NELL1: variants seen among roughly 807,000 people sequenced by gnomAD.
NELL1 encodes neural EGFL like 1.
A neutral mutation model predicts 107.4 loss-of-function variants in NELL1; 76 were observed. The observed-to-expected ratio is 0.71, with a 90% confidence interval of 0.59 to 0.86. NELL1 has a LOEUF of 0.86. Among genes scored for constraint, NELL1 ranks in the 40% least tolerant of loss-of-function variants. The probability of loss-of-function intolerance (pLI) is 0.00; values close to 1 mark genes in which losing one functional copy is unlikely to be tolerated. For missense variants in NELL1, 1,024 were observed against 1,005.5 expected, an observed-to-expected ratio of 1.02 and a Z score of -0.25; for synonymous variants, 353 against 341.2, an observed-to-expected ratio of 1.03 and a Z score of -0.38.
intron 12 of NELL1, among the ~76,000 whole-genome samples, chr11:21,104,124 A>G (rs915408232): frequency 6.6e-6 from 1 of 152,184 alleles, no homozygotes; most frequent in East Asian, 1.9e-4. Flanking sequence ...TCTTAAGTCC[A>G]TTGGACCTTT....
At position 21,128,846 on chromosome 11, in the gene NELL1, T is replaced by A. The variant is rs192370629; in HGVS notation, c.1426+15132T>A. Reference sequence around the variant, plus strand: ...TTTTCTTGGCCTCAAGCAAACTGTTTATTTTTTAGGACAGGTTGGAACAGC... The same window carrying A: ...TTTTCTTGGCCTCAAGCAAACTGTTAATTTTTTAGGACAGGTTGGAACAGC... On this transcript the variant is annotated intron_variant, in intron 13 of 19. Transcript: ENST00000357134. Among the ~76,000 whole-genome samples the A allele has an allele frequency of 4.8e-3, 732 of 152,314 alleles. 5 individuals carry two copies. The highest frequency in any genetic ancestry group is 0.017 in the African/African-American group (691 of 41,572).
chr11:20,865,016 C>G (rs1338574107), intron 4 of NELL1, among the ~76,000 whole-genome samples: 1 of 152,180 alleles, frequency 6.6e-6, no homozygotes, highest in Non-Finnish European at 1.5e-5. Context: ...TTGATACACA[C>G]TGATATTTTT....
At chr11:21,109,281 G>T (rs550783900) in intron 12 of NELL1, among the ~76,000 whole-genome samples, 1 of 152,064 alleles carries the variant, frequency 6.6e-6, no homozygotes, top group African/African-American at 2.4e-5. Flanking sequence ...TATAAGGTAC[G>T]TACTATTAGA....
At chr11:21,476,069 C>G (rs1207111917) in intron 15 of NELL1, among the ~76,000 whole-genome samples, 1 of 152,148 alleles carries the variant, frequency 6.6e-6, no homozygotes, top group Non-Finnish European at 1.5e-5. Context: ...TTCAATTGAA[C>G]TCTACCTTTG....
At chr11:21,177,992 A>T (rs896223272) in intron 13 of NELL1, among the ~76,000 whole-genome samples, 2 of 151,508 alleles carry the variant, frequency 1.3e-5, no homozygotes, top group Non-Finnish European at 2.9e-5. Flanking sequence ...GAGTACTTTG[A>T]GTTTCTTATA....
intron 12 of NELL1, among the ~76,000 whole-genome samples, chr11:21,065,626 A>G (rs1164108044): frequency 1.3e-5 from 2 of 152,228 alleles, no homozygotes; most frequent in Non-Finnish European, 2.9e-5. Flanking sequence ...AGTCCTAGCT[A>G]TATTACACAG....
At chr11:20,712,949 A>G (rs999449927) in intron 2 of NELL1, among the ~76,000 whole-genome samples, 3 of 152,202 alleles carry the variant, frequency 2.0e-5, no homozygotes, top group Non-Finnish European at 4.4e-5. Flanking sequence ...ACTTTCTCGA[A>G]TGCTAGTTAA....
chr11:21,064,606 T>A (rs1379048454), intron 12 of NELL1, among the ~76,000 whole-genome samples: 1 of 152,016 alleles, frequency 6.6e-6, no homozygotes, highest in Admixed American at 6.6e-5. Context: ...ATAAGCTGAG[T>A]GGCCTGATTA....
chr11:21,060,432 C>G (rs988536858), intron 12 of NELL1, among the ~76,000 whole-genome samples: 4 of 152,022 alleles, frequency 2.6e-5, no homozygotes, highest in Non-Finnish European at 5.9e-5. Flanking sequence ...GAATATGTGC[C>G]TTAGCTATGC....
chr11:20,880,409 C>G (rs1031952849), intron 4 of NELL1, among the ~76,000 whole-genome samples: 2 of 152,148 alleles, frequency 1.3e-5, no homozygotes, highest in Non-Finnish European at 2.9e-5. Context: ...ATCCTCATGA[C>G]AATCCATACA....
In NELL1 at chr11:21,286,455, C is replaced by T. The variant is rs115931516; in HGVS notation, c.1549+57001C>T. Among the ~76,000 whole-genome samples, 628 of 152,194 alleles carry T rather than the reference C, an allele frequency of 4.1e-3. 7 individuals carry two copies. Among genetic ancestry groups the T allele is most frequent in the African/African-American group, 0.014 (594 of 41,524 alleles). On this transcript the variant is annotated intron_variant, in intron 14 of 19. Transcript: ENST00000357134. ...TGTTCTTTTCAAGTGGAGCAAGGGG[C>T]GGATTTTAGCCAGATGGCCCCCTGC... is the stretch of plus-strand genomic sequence containing the variant.
At chr11:21,173,251 A>G (rs1244947756) in intron 13 of NELL1, among the ~76,000 whole-genome samples, 2 of 151,766 alleles carry the variant, frequency 1.3e-5, no homozygotes, top group Non-Finnish European at 2.9e-5. Flanking sequence ...CAAAGGGGGT[A>G]AATTTCAAGC....
chr11:21,126,464 A>G (rs1396740598), intron 13 of NELL1, among the ~76,000 whole-genome samples: 4 of 152,190 alleles, frequency 2.6e-5, no homozygotes, highest in South Asian at 2.1e-4. Context: ...GTGAACCCAT[A>G]TTTAACCCGC....
At chr11:20,790,899 C>A (rs1002975614) in intron 3 of NELL1, among the ~76,000 whole-genome samples, 2 of 152,182 alleles carry the variant, frequency 1.3e-5, no homozygotes, top group African/African-American at 4.8e-5. Context: ...AGCGGCTGCT[C>A]CAGACAGCCT....
chr11:21,127,961 A>C (rs960646437), intron 13 of NELL1, among the ~76,000 whole-genome samples: 5 of 151,758 alleles, frequency 3.3e-5, no homozygotes, highest in Admixed American at 2.0e-4. Flanking sequence ...AGATGCATGC[A>C]TTTTTTTTCT....
chr11:21,451,185 T>TAAAAAAAAAAAAAAAAAAA (rs35257979), intron 15 of NELL1, among the ~76,000 whole-genome samples: 9 of 101,356 alleles, frequency 8.9e-5, no homozygotes, highest in Admixed American at 1.2e-4. Context: ...AGACTCCGTC[T>TAAAAAAAAAAAAAAAAAAA]AAAAAAAAAA....
chr11:21,562,086 G>T (rs1330877864), intron 17 of NELL1, among the ~76,000 whole-genome samples: 1 of 151,964 alleles, frequency 6.6e-6, no homozygotes, highest in Non-Finnish European at 1.5e-5. Flanking sequence ...CCTGGAATAG[G>T]CAAAGGACAT....
At chr11:20,915,712 TA>T (rs1309144200) in intron 5 of NELL1, among the ~76,000 whole-genome samples, 2 of 70,040 alleles carry the variant, frequency 2.9e-5, no homozygotes, top group African/African-American at 1.2e-4. Context: ...TATATATATA[TA>T]TATATTTTTT....
At position 21,514,832 on chromosome 11, in the gene NELL1, A is replaced by G. The variant is rs1371449991; in HGVS notation, c.1646-19542A>G. Among the ~76,000 whole-genome samples the G allele has an allele frequency of 2.6e-5, 4 of 152,304 alleles. No individual in the cohort carries two copies. In the South Asian group the frequency reaches 6.2e-4, roughly 24 times the overall value. On this transcript the variant is annotated intron_variant, in intron 15 of 19. Coordinates refer to ENST00000357134, the MANE Select transcript of NELL1 (RefSeq NM_006157.5). ...TTGAGAAACTATTCTTTTACAGTGT[A>G]CAGTCCTGTCCTGTATTATTGAGGA...
Sources: allele counts gnomAD v4.1 joint callset (sites outside exome capture counted in the v4.1 genomes callset), GRCh38; gene constraint gnomAD v4.1.1; transcripts MANE v1.5; gene names NCBI Gene and HGNC (gene_info 2026-07-23, HGNC 2026-07-21).